GALM: variants seen among roughly 807,000 people sequenced by gnomAD.
GALM encodes the protein galactose mutarotase.
In GALM, 43 loss-of-function variants were observed where a neutral mutation model predicts 37.4. That is an observed-to-expected ratio of 1.15 (90% confidence interval 0.90 to 1.48). The LOEUF is 1.48. Among genes scored for constraint, GALM ranks in the 40% most tolerant of loss-of-function variants. GALM has a pLI of 0.00. For missense variants in GALM, 456 were observed against 419.1 expected (o/e 1.09, Z -0.77); for synonymous variants, 199 against 170.6 (o/e 1.17, Z -1.30).
intron 1 of GALM, among the ~76,000 whole-genome samples, chr2:38,670,697 CCT>C (rs1408638244): frequency 6.6e-6 from 1 of 152,160 alleles, no homozygotes; most frequent in African/African-American, 2.4e-5. Context: ...ATTTTTATCC[CCT>C]TTCTTTCCTT....
chr2:38,734,734 G>A lies in GALM; in HGVS notation c.*1169G>A, dbSNP rs1275666972. The stretch of plus-strand genomic sequence containing the variant: ...ATGTTATACTAGTGTATGCTGTACT[G>A]AATTGAAATAAAACCAAAATCTGCA... On this transcript the variant is annotated 3_prime_UTR_variant, in exon 7 of 7. Transcript: ENST00000272252. The A allele has an allele frequency of 6.6e-6, 1 of 150,502 alleles. No homozygotes were observed. Among genetic ancestry groups the A allele is most frequent in the African/African-American group, 2.5e-5 (1 of 40,798 alleles). The allele number at this position is 150,502 out of a possible 1,614,324, so 9.3% of individuals were successfully genotyped here.
Position 38,666,215 on chromosome 2 carries a change from A to G in GALM, c.54A>G (p.Thr18=), listed in dbSNP as rs1202412989. ...VFGELPSGGG[T]VEKFQLQSDL... is the part of the protein sequence containing the mutation. Reference sequence around the variant, plus strand: ...GAGAGCTGCCCTCGGGAGGAGGGACAGTGGAGAAGTTCCAGCTGCAGTCAG... The same window carrying G: ...GAGAGCTGCCCTCGGGAGGAGGGACGGTGGAGAAGTTCCAGCTGCAGTCAG... The change falls in exon 1 of 7, where the codon ACA becomes ACG. Residue 18 remains threonine (T), a synonymous_variant. Coordinates refer to ENST00000272252, the MANE Select transcript of GALM (RefSeq NM_138801.3). 1.9e-6 allele frequency: 3 copies of G among 1,613,922 alleles called. No individual in the cohort carries two copies. The highest frequency in any genetic ancestry group is 2.5e-6 in the Non-Finnish European group (3 of 1,179,960).
intron 4 of GALM, among the ~76,000 whole-genome samples, chr2:38,703,710 T>C (rs1200442913): frequency 6.6e-6 from 1 of 152,058 alleles, no homozygotes; most frequent in African/African-American, 2.4e-5. Flanking sequence ...ATGAGCTCTT[T>C]AAATTCTATA....
rs1165945897 is a variant in GALM, at chr2:38,676,047, G to A, written c.326G>A (p.Gly109Glu). Residue 109 changes from glycine (G) to glutamate (E), a missense_variant, in exon 2 of 7, where the codon GGA (glycine) becomes GAA (glutamate). Coordinates refer to ENST00000272252, the MANE Select transcript of GALM (RefSeq NM_138801.3). ...INKEPNSLHG[G>E]VRGFDKVLWT... The stretch of plus-strand genomic sequence containing the variant: ...AAGGAACCCAACAGTCTGCATGGAG[G>A]AGTCAGAGGGTTTGATAAAGTAAGT... The A allele has an allele frequency of 6.2e-7, 1 of 1,614,070 alleles. No individual in the cohort carries two copies. Among genetic ancestry groups the A allele is most frequent in the Non-Finnish European group, 8.5e-7 (1 of 1,180,018 alleles).
Position 38,733,594 on chromosome 2 carries a change from G to C in GALM, c.*29G>C. 6.5e-7 allele frequency: 1 copy of C among 1,549,940 alleles called. No homozygotes were observed. The highest frequency in any genetic ancestry group is 8.9e-7 in the Non-Finnish European group (1 of 1,121,892). On this transcript the variant is annotated 3_prime_UTR_variant, in exon 7 of 7. Coordinates refer to ENST00000272252, the MANE Select transcript of GALM (RefSeq NM_138801.3). ...AGTGTGAAGATATGATCCAGTCCAG[G>C]GCTAGGCTCAGCCACCTGTCTCCTG...
intron 4 of GALM, among the ~76,000 whole-genome samples, chr2:38,707,490 C>A (rs1277688474): frequency 6.6e-6 from 1 of 152,146 alleles, no homozygotes; most frequent in Non-Finnish European, 1.5e-5. Flanking sequence ...CCAACAGTGT[C>A]AATACTCCAG....
chr2:38,681,823 A>G (rs868355571), intron 3 of GALM, among the ~76,000 whole-genome samples: 4 of 152,138 alleles, frequency 2.6e-5, no homozygotes, highest in Admixed American at 6.5e-5. Flanking sequence ...ATTTGTTCCA[A>G]TTAAGGTGCC....
At chr2:38,682,493 T>C (rs1213021848) in intron 3 of GALM, among the ~76,000 whole-genome samples, 1 of 152,166 alleles carries the variant, frequency 6.6e-6, no homozygotes, top group Non-Finnish European at 1.5e-5. Context: ...TTTTCCCAAA[T>C]TGCAGAGTTA....
At chr2:38,666,738 T>A (rs1664951108) in intron 1 of GALM, among the ~76,000 whole-genome samples, 1 of 152,210 alleles carries the variant, frequency 6.6e-6, no homozygotes, top group African/African-American at 2.4e-5. Context: ...ACTTCTTCCC[T>A]TCTGAAGAAG....
chr2:38,682,897 T>TAA (rs70954743), intron 3 of GALM, among the ~76,000 whole-genome samples: 430 of 135,612 alleles, frequency 3.2e-3, no homozygotes, highest in African/African-American at 0.011. Flanking sequence ...ACTCCGTCTT[T>TAA]AAAAAAAAAA....
chr2:38,698,485 G>T (rs576945867), intron 4 of GALM: 3 of 911,512 alleles, frequency 3.3e-6, no homozygotes, highest in South Asian at 1.5e-5. Context: ...TTAGCTCTGC[G>T]TCTTCAGAGC....
At position 38,666,123 on chromosome 2, in the gene GALM, T is replaced by G. The variant is rs761587839; in HGVS notation, c.-39T>G. On this transcript the variant is annotated 5_prime_UTR_variant, in exon 1 of 7. Transcript: ENST00000272252. ...CTCTAGCTTAGCGAGCGCTGGAGTT[T>G]GAAGAGCGGGCAGTGGCTGCACACG... 7 of 1,575,010 alleles carry G rather than the reference T, an allele frequency of 4.4e-6. No individual in the cohort carries two copies. Among genetic ancestry groups the G allele is most frequent in the Non-Finnish European group, 5.2e-6 (6 of 1,157,912 alleles).
rs2148457271 is a variant in GALM at position 38,725,667 on chromosome 2, A to C, written c.635-3889A>C. Among the ~76,000 whole-genome samples, 6 of 152,194 alleles carry C rather than the reference A, an allele frequency of 3.9e-5. No homozygotes were observed. In the Middle Eastern group the frequency reaches 0.017, roughly 431 times the overall value. On this transcript the variant is annotated intron_variant, in intron 4 of 6. Coordinates refer to ENST00000272252, the MANE Select transcript of GALM (RefSeq NM_138801.3). ...CAGGACCCTGTCTTTAAAAAAGAAA[A>C]AGAAGAATTATTGTTGCCTTTTTCT...
At chr2:38,671,561 G>A (rs1027259344) in intron 1 of GALM, 6 of 152,216 alleles carry the variant, frequency 3.9e-5, no homozygotes, top group African/African-American at 9.7e-5. Context: ...CCTCCACCAG[G>A]TGGGATTACA....
At chr2:38,733,439 G>T in intron 6 of GALM, 49 bp from the exon 7 acceptor site, 1 of 1,489,126 alleles carries the variant, frequency 6.7e-7, no homozygotes, top group South Asian at 1.1e-5. Flanking sequence ...AATGGTTAAT[G>T]TTGCAGCCTG....
intron 4 of GALM, among the ~76,000 whole-genome samples, chr2:38,711,072 T>A (rs1382722041): frequency 1.3e-5 from 2 of 151,856 alleles, no homozygotes; most frequent in Non-Finnish European, 2.9e-5. Flanking sequence ...TTCCTTCTGA[T>A]CCTGCTCTAT....
chr2:38,694,187 AAAG>A (rs763149103), intron 4 of GALM, among the ~76,000 whole-genome samples: 51 of 152,322 alleles, frequency 3.3e-4, no homozygotes, highest in East Asian at 2.5e-3. Flanking sequence ...TCTCAAAAAA[AAAG>A]AAGAAGATTT....
intron 4 of GALM, chr2:38,698,382 G>T (rs1201206406): frequency 5.4e-6 from 7 of 1,304,608 alleles, no homozygotes; most frequent in Non-Finnish European, 7.1e-6. Flanking sequence ...CCAACAGAAG[G>T]TTTCTGCAAG....
chr2:38,733,323 C>T (rs958719104), intron 6 of GALM, among the ~76,000 whole-genome samples, 165 bp from the exon 7 acceptor site: 3 of 152,040 alleles, frequency 2.0e-5, no homozygotes, highest in Admixed American at 2.0e-4. Flanking sequence ...GCTTTTTTCA[C>T]TCTGATTAAA....
Sources: gnomAD v4.1 joint callset for allele counts (sites outside exome capture counted in the v4.1 genomes callset) on GRCh38, gnomAD v4.1.1 for gene constraint, MANE v1.5 for transcripts, NCBI Gene and HGNC (gene_info 2026-07-23, HGNC 2026-07-21) for gene names.